The following PKNOX2 variants were observed in gnomAD, a reference collection of about 807,000 sequenced individuals.
PKNOX2 encodes the protein PBX/knotted 1 homeobox 2, also known as homeobox protein PKNOX2.
Under a neutral mutation model 53.1 loss-of-function variants are expected in PKNOX2, and 14 were observed. That is an observed-to-expected ratio of 0.26 (90% CI 0.17 to 0.41). The LOEUF is 0.41. Among genes scored for constraint, PKNOX2 ranks in the 10% least tolerant of loss-of-function variants. The pLI is 1.00. For missense variants in PKNOX2, 496 were observed against 602.8 expected (o/e 0.82, Z 1.85); for synonymous variants, 257 against 242.8 (o/e 1.06, Z -0.54).
intron 1 of PKNOX2, among the ~76,000 whole-genome samples, chr11:125,208,699 G>T (rs1176716069): frequency 6.6e-6 from 1 of 152,092 alleles, no homozygotes; most frequent in African/African-American, 2.4e-5. Flanking sequence ...AGGTAGAAGA[G>T]AGTTTGAATG....
intron 4 of PKNOX2, among the ~76,000 whole-genome samples, chr11:125,361,977 ACATG>A (rs1951949388): frequency 6.6e-6 from 1 of 152,246 alleles, no homozygotes; most frequent in South Asian, 2.1e-4. Context: ...GTGCCTTCCC[ACATG>A]GGTTCCACAT....
chr11:125,223,378 C>T (rs939602873), intron 1 of PKNOX2, among the ~76,000 whole-genome samples: 11 of 152,074 alleles, frequency 7.2e-5, no homozygotes, highest in Middle Eastern at 3.2e-3. Flanking sequence ...TACAGGCACC[C>T]GCCACCATGC....
chr11:125,270,097 T>C (rs559807116), intron 2 of PKNOX2, among the ~76,000 whole-genome samples: 2 of 152,300 alleles, frequency 1.3e-5, no homozygotes, highest in South Asian at 4.2e-4. Flanking sequence ...AAGGAATCCA[T>C]CTATCAGAGC....
intron 2 of PKNOX2, among the ~76,000 whole-genome samples, chr11:125,321,285 A>G (rs1949503396): frequency 6.6e-6 from 1 of 152,246 alleles, no homozygotes; most frequent in South Asian, 2.1e-4. Context: ...TTGCAACTGC[A>G]ATCATCCCTC....
At chr11:125,338,335 C>G (rs968523325) in intron 3 of PKNOX2, among the ~76,000 whole-genome samples, 1 of 152,198 alleles carries the variant, frequency 6.6e-6, no homozygotes, top group Non-Finnish European at 1.5e-5. Flanking sequence ...GACAAAGAGA[C>G]AGCAGACTGC....
intron 6 of PKNOX2, among the ~76,000 whole-genome samples, chr11:125,394,339 T>C (rs569629873): frequency 8.5e-5 from 13 of 152,352 alleles, no homozygotes; most frequent in African/African-American, 3.1e-4. Context: ...GATGGCTCAG[T>C]CTCCCTCAGT....
intron 1 of PKNOX2, among the ~76,000 whole-genome samples, chr11:125,183,878 A>G (rs1179151253): frequency 1.3e-5 from 2 of 152,216 alleles, no homozygotes; most frequent in African/African-American, 4.8e-5. Context: ...GGTTACACCC[A>G]GAGTGGAGAA....
chr11:125,415,111 C>T (rs908797530), intron 10 of PKNOX2, among the ~76,000 whole-genome samples: 25 of 152,048 alleles, frequency 1.6e-4, no homozygotes, highest in African/African-American at 5.8e-4. Flanking sequence ...TTATATTCCT[C>T]TAGGAGCCCT....
At chr11:125,173,391 T>C (rs1370194623) in intron 1 of PKNOX2, among the ~76,000 whole-genome samples, 1 of 152,164 alleles carries the variant, frequency 6.6e-6, no homozygotes, top group Non-Finnish European at 1.5e-5. Context: ...TGTCTGTGTG[T>C]AGCAATGGAG....
chr11:125,232,725 C>T (rs1942318207), intron 1 of PKNOX2, among the ~76,000 whole-genome samples: 1 of 152,128 alleles, frequency 6.6e-6, no homozygotes, highest in African/African-American at 2.4e-5. Context: ...AGTTGGGTAC[C>T]ATATGGCTAT....
Position 125,165,940 on chromosome 11 carries a change from G to A in PKNOX2, c.-201+1164G>A, listed in dbSNP as rs764248950. Among the ~76,000 whole-genome samples, 1 of 152,314 alleles carries A rather than the reference G, an allele frequency of 6.6e-6. No individual in the cohort carries two copies. The highest frequency in any genetic ancestry group is 2.1e-4 in the South Asian group (1 of 4,818). ...TCCCCAGGAAGAAACGAGCGAAATGGGCCGTCCTTTCCCGGGGCTCTTCAC... is the reference window on the plus strand; with the variant it reads ...TCCCCAGGAAGAAACGAGCGAAATGAGCCGTCCTTTCCCGGGGCTCTTCAC... On this transcript the variant is annotated intron_variant, in intron 1 of 12. Transcript: ENST00000298282. This position sits in a 1 kb window ranked among gnomAD's most constrained non-coding sequence, Gnocchi z 4.5.
rs797020078 is a variant in PKNOX2, at chr11:125,426,455, T to C, written c.937-2557T>C. 2.5e-4 allele frequency among the ~76,000 whole-genome samples: 38 copies of C among 152,380 alleles called. 1 individual carries two copies. Among genetic ancestry groups the C allele is most frequent in the Middle Eastern group, 3.4e-3 (1 of 294 alleles). ...TTGCCAGCACCCAGGATGCGGCAGA[T>C]GCCCAACAGTTGTGGGCTGGTGAAC... On this transcript the variant is annotated intron_variant, in intron 10 of 12. Transcript: ENST00000298282.
rs185459591 is a variant in PKNOX2 at position 125,200,286 on chromosome 11, G to C, written c.-200-34759G>C. On this transcript the variant is annotated intron_variant, in intron 1 of 12. Coordinates refer to ENST00000298282, the MANE Select transcript of PKNOX2 (RefSeq NM_001382323.2). ...CCTCCCAAGGGTTAGAGGCAGGGGA[G>C]GGAGTAGAAAGGACCAGGCCAGCTT... Among the ~76,000 whole-genome samples the C allele has an allele frequency of 4.9e-3, 739 of 152,308 alleles. 7 individuals carry two copies. The highest frequency in any genetic ancestry group is 0.017 in the African/African-American group (694 of 41,564).
In PKNOX2 at chr11:125,183,303, G is replaced by A. The variant is rs1166575672; in HGVS notation, c.-201+18527G>A. On this transcript the variant is annotated intron_variant, in intron 1 of 12. Coordinates refer to ENST00000298282, the MANE Select transcript of PKNOX2 (RefSeq NM_001382323.2). ...GCAATCTCGGCTCACTGCAAGCTCC[G>A]CTTCCCGGGTTCACGCCATTCTCCT... Among the ~76,000 whole-genome samples the A allele has an allele frequency of 6.7e-5, 4 of 59,898 alleles. 1 individual carries two copies. Among genetic ancestry groups the A allele is most frequent in the Non-Finnish European group, 1.5e-4 (4 of 26,388 alleles). 39.3% of individuals were successfully genotyped at this position (59,898 alleles called of 152,430 possible).
intron 5 of PKNOX2, among the ~76,000 whole-genome samples, chr11:125,373,581 C>A (rs555416481): frequency 6.6e-6 from 1 of 152,168 alleles, no homozygotes; most frequent in African/African-American, 2.4e-5. Context: ...GGGTGTCAGC[C>A]GCTGTTGGAT....
At chr11:125,276,885 G>T (rs1016526168) in intron 2 of PKNOX2, among the ~76,000 whole-genome samples, 2 of 152,170 alleles carry the variant, frequency 1.3e-5, no homozygotes, top group Non-Finnish European at 2.9e-5. Context: ...AAGTGGGTAG[G>T]ATACCAGGGC....
intron 2 of PKNOX2, among the ~76,000 whole-genome samples, chr11:125,268,949 G>A (rs1945565156): frequency 1.3e-5 from 2 of 151,054 alleles, no homozygotes; most frequent in Admixed American, 1.3e-4. Flanking sequence ...TGCCCATGGC[G>A]GGAGGGTGCC....
intron 10 of PKNOX2, among the ~76,000 whole-genome samples, chr11:125,426,209 A>G (rs557567771): frequency 4.3e-4 from 66 of 152,234 alleles, no homozygotes; most frequent in Non-Finnish European, 8.2e-4. Flanking sequence ...TGGCTTAAAT[A>G]TAAGTCCCAG....
intron 2 of PKNOX2, among the ~76,000 whole-genome samples, chr11:125,283,241 C>T (rs1190680309): frequency 6.6e-6 from 1 of 152,140 alleles, no homozygotes; most frequent in Non-Finnish European, 1.5e-5. Flanking sequence ...TCAGATAGCA[C>T]AGACAAGATT....
Sources: gnomAD v4.1 joint callset for allele counts (sites outside exome capture counted in the v4.1 genomes callset) on GRCh38, gnomAD v4.1.1 for gene constraint, Gnocchi (gnomAD v3.1) non-coding constraint, MANE v1.5 for transcripts, NCBI Gene and HGNC (gene_info 2026-07-23, HGNC 2026-07-21) for gene names.